DPY30: variants seen among roughly 807,000 people sequenced by gnomAD.
DPY30 encodes protein dpy-30 homolog.
Under a neutral mutation model 16.2 loss-of-function variants are expected in DPY30, and 6 were observed. That is an observed-to-expected ratio of 0.37 (90% CI 0.20 to 0.73). The LOEUF (loss-of-function observed/expected upper bound fraction) is 0.73. DPY30 is among the 30% of genes least tolerant of loss of function. The pLI, the probability that DPY30 is intolerant of heterozygous loss-of-function variation, is 0.51. For synonymous variants in DPY30, 39 were observed against 38.8 expected, an observed-to-expected ratio of 1.00 and a Z score of -0.02; for missense variants, 73 against 113.1, an observed-to-expected ratio of 0.65 and a Z score of 1.61.
At chr2:32,023,763 T>C (rs1373466061), downstream of DPY30, 2 of 1,305,026 alleles carry the variant, frequency 1.5e-6, no homozygotes, top group South Asian at 2.5e-5. Flanking sequence ...TGGCTGAATT[T>C]TTTAAATTAT....
At chr2:32,012,419 CTTTTTTTTTTTTTTTTT>C (rs397984233) in intron 5 of DPY30, among the ~76,000 whole-genome samples, 5 of 81,654 alleles carry the variant, frequency 6.1e-5, no homozygotes, top group South Asian at 8.0e-4. Context: ...TCTCTTTTTT[CTTTTTTTTTTTTTTTTT>C]TTTTTTTTTT....
intron 3 of DPY30, among the ~76,000 whole-genome samples, chr2:32,036,165 A>T (rs1675729540): frequency 6.7e-6 from 1 of 150,288 alleles, no homozygotes; most frequent in South Asian, 2.1e-4. Flanking sequence ...TTTTTTTTAG[A>T]TGGGGTCTCA....
At chr2:32,030,372 T>C (rs1242387364) in intron 3 of DPY30, among the ~76,000 whole-genome samples, 3 of 152,154 alleles carry the variant, frequency 2.0e-5, no homozygotes, top group Non-Finnish European at 2.9e-5. Flanking sequence ...GGCTCACGCC[T>C]GTAATCCCAG....
intron 3 of DPY30, among the ~76,000 whole-genome samples, chr2:32,037,009 TTCAGAAACAATGTC>T (rs1226910235): frequency 6.6e-6 from 1 of 152,226 alleles, no homozygotes; most frequent in Non-Finnish European, 1.5e-5. Context: ...CAAGCTTCTT[TTCAGAAACAATGTC>T]CGCCAGAAGA....
intron 5 of DPY30, among the ~76,000 whole-genome samples, chr2:32,018,193 G>A (rs575945783): frequency 1.4e-4 from 21 of 152,218 alleles, no homozygotes; most frequent in African/African-American, 4.6e-4. Flanking sequence ...AAAAAAAACT[G>A]TCAGAGGCAG....
Position 32,039,749 on chromosome 2 carries a change from C to T in DPY30, c.-53G>A, listed in dbSNP as rs942111015. On this transcript the variant is annotated 5_prime_UTR_variant, in exon 1 of 5. Transcript: ENST00000342166. ...GCTGATTACCCGCGCCCAAGCCGTT[C>T]GTTCTTAAGAGCCCTGCACCGCGCC... The T allele has an allele frequency of 1.9e-6, 1 of 535,784 alleles. No homozygotes were observed. The allele number at this position is 535,784 out of a possible 1,614,324, so 33.2% of individuals were successfully genotyped here.
chr2:32,015,010 G>A (rs1274679084), intron 5 of DPY30, among the ~76,000 whole-genome samples: 1 of 151,798 alleles, frequency 6.6e-6, no homozygotes, highest in African/African-American at 2.4e-5. Flanking sequence ...GATGGAAAAA[G>A]GATTTAACCT....
chr2:32,039,829 C>T, upstream of DPY30: 1 of 319,546 alleles, frequency 3.1e-6, no homozygotes, highest in Non-Finnish European at 5.9e-6. Context: ...CGCACGACTG[C>T]CGCGCCTGCG....
chr2:32,016,440 A>G (rs955949927), intron 5 of DPY30, among the ~76,000 whole-genome samples: 1 of 152,242 alleles, frequency 6.6e-6, no homozygotes, highest in African/African-American at 2.4e-5. Context: ...TTTGGAATCC[A>G]GTCCAGGAAA....
At chr2:32,034,929 G>A (rs1558592029) in intron 3 of DPY30, among the ~76,000 whole-genome samples, 1 of 151,684 alleles carries the variant, frequency 6.6e-6, no homozygotes, top group African/African-American at 2.4e-5. Flanking sequence ...AACCCAGGAG[G>A]TGGAGGTTGC....
intron 5 of DPY30, among the ~76,000 whole-genome samples, chr2:32,018,172 A>G (rs1479522860): frequency 6.6e-6 from 1 of 152,194 alleles, no homozygotes; most frequent in Non-Finnish European, 1.5e-5. Context: ...TGTTTTAGAA[A>G]GACTCAATTA....
intron 4 of DPY30, among the ~76,000 whole-genome samples, chr2:32,024,524 T>C (rs1357021348): frequency 2.0e-5 from 3 of 152,214 alleles, no homozygotes; most frequent in African/African-American, 7.2e-5. Flanking sequence ...GACAATGGGA[T>C]GATCATTACC....
chr2:32,025,759 T>C (rs1225936007), intron 4 of DPY30, among the ~76,000 whole-genome samples: 1 of 141,666 alleles, frequency 7.1e-6, no homozygotes, highest in Non-Finnish European at 1.5e-5. Context: ...CAAGACTCCG[T>C]CTTGGAAAGA....
At chr2:32,033,321 A>C (rs1188769233) in intron 3 of DPY30, among the ~76,000 whole-genome samples, 1 of 151,666 alleles carries the variant, frequency 6.6e-6, no homozygotes, top group Non-Finnish European at 1.5e-5. Flanking sequence ...AAAAGAAAAA[A>C]AATTTTAACT....
At chr2:32,020,454 G>C (rs74509642), downstream of DPY30, among the ~76,000 whole-genome samples, 1 of 152,148 alleles carries the variant, frequency 6.6e-6, no homozygotes, top group Non-Finnish European at 1.5e-5. Flanking sequence ...CAAGGTTGCA[G>C]TGAGCTATGA....
At chr2:32,030,471 A>G (rs1675493138) in intron 3 of DPY30, among the ~76,000 whole-genome samples, 1 of 151,990 alleles carries the variant, frequency 6.6e-6, no homozygotes, top group Admixed American at 6.6e-5. Flanking sequence ...TCTATTAAAA[A>G]TACAAACAAT....
chr2:32,027,366 C>A (rs552419740), intron 4 of DPY30, among the ~76,000 whole-genome samples: 2 of 151,146 alleles, frequency 1.3e-5, no homozygotes, highest in East Asian at 3.9e-4. Flanking sequence ...CCCATCTCTA[C>A]TAAAAATACA....
At chr2:32,030,474 C>A (rs1675493222) in intron 3 of DPY30, among the ~76,000 whole-genome samples, 2 of 151,854 alleles carry the variant, frequency 1.3e-5, no homozygotes, top group Admixed American at 6.6e-5. Flanking sequence ...ATTAAAAATA[C>A]AAACAATTCC....
intron 5 of DPY30, among the ~76,000 whole-genome samples, chr2:32,017,626 AAAAAG>A (rs912234947): frequency 6.6e-6 from 1 of 152,032 alleles, no homozygotes; most frequent in Non-Finnish European, 1.5e-5. Flanking sequence ...AAAAAAAAAA[AAAAAG>A]AAAAAAGAAA....
Sources: allele counts gnomAD v4.1 joint callset (sites outside exome capture counted in the v4.1 genomes callset), GRCh38; gene constraint gnomAD v4.1.1; transcripts MANE v1.5; gene names NCBI Gene and HGNC (gene_info 2026-07-23, HGNC 2026-07-21).